The following DSG2 variants were observed in gnomAD, a reference collection of about 807,000 sequenced individuals.
DSG2 encodes desmoglein 2.
Under a neutral mutation model 75.6 loss-of-function variants are expected in DSG2, and 45 were observed. The ratio of observed to expected loss-of-function variants is 0.60; its 90% confidence interval spans 0.47 to 0.76. The LOEUF is 0.76. Ranked by LOEUF, DSG2 falls within the 30% of genes least tolerant of loss-of-function variation. DSG2 has a pLI of 0.00. For missense variants in DSG2, 1,267 were observed against 1,357.4 expected (o/e 0.93, Z 1.05); for synonymous variants, 429 against 483.9 (o/e 0.89, Z 1.49).
chr18:31,534,327 C>T (rs907547971), intron 9 of DSG2, among the ~76,000 whole-genome samples: 1 of 152,040 alleles, frequency 6.6e-6, no homozygotes. Context: ...GGACATTTGC[C>T]TTGCTCTCCC....
chr18:31,522,287 C>G (rs1399336618), intron 6 of DSG2, 38 bp downstream of exon 6: 3 of 1,574,314 alleles, frequency 1.9e-6, no homozygotes, highest in African/African-American at 1.4e-5. Flanking sequence ...TTTAAACTCT[C>G]TATCCTTTCC....
chr18:31,543,015 TG>T (rs2073280337), intron 14 of DSG2, 163 bp downstream of exon 14: 4 of 598,750 alleles, frequency 6.7e-6, no homozygotes, highest in Non-Finnish European at 1.1e-5. Flanking sequence ...GAAAGAGAAA[TG>T]GGACCCACAG....
rs11542767 is a variant in DSG2 at position 31,548,505 on chromosome 18, T to G, written c.*1762T>G. The stretch of plus-strand genomic sequence containing the variant: ...TAGACATCTAAGTCTGTAGCTTAAA[T>G]GGAGGTTACTCTTCCATCATCTAGA... On this transcript the variant is annotated 3_prime_UTR_variant, in exon 15 of 15. Coordinates refer to ENST00000261590, the MANE Select transcript of DSG2 (RefSeq NM_001943.5). 1 of 152,244 alleles carries G rather than the reference T, an allele frequency of 6.6e-6. No individual in the cohort carries two copies. Among genetic ancestry groups the G allele is most frequent in the Admixed American group, 6.5e-5 (1 of 15,292 alleles). 9.4% of individuals were successfully genotyped at this position (152,244 alleles called of 1,614,324 possible).
chr18:31,534,203 G>A (rs1000996373), intron 9 of DSG2, among the ~76,000 whole-genome samples: 4 of 152,054 alleles, frequency 2.6e-5, no homozygotes, highest in Non-Finnish European at 4.4e-5. Flanking sequence ...GGTCAGGCTG[G>A]TCTTGAACTC....
intron 11 of DSG2, 34 bp from the exon 12 acceptor site, chr18:31,538,717 C>T (rs764832324): frequency 4.5e-6 from 7 of 1,554,214 alleles, no homozygotes; most frequent in Admixed American, 3.3e-5. Flanking sequence ...GGTAATCGTT[C>T]GTTTTTATTT....
intron 1 of DSG2, 34 bp from the exon 2 acceptor site, chr18:31,518,205 A>T: frequency 6.4e-7 from 1 of 1,562,998 alleles, no homozygotes; most frequent in Non-Finnish European, 8.8e-7. Context: ...TTGAGCAGTA[A>T]ATTGGCTAAA....
chr18:31,544,409 T>C (rs1489120107), intron 14 of DSG2, among the ~76,000 whole-genome samples: 1 of 151,952 alleles, frequency 6.6e-6, no homozygotes, highest in Non-Finnish European at 1.5e-5. Flanking sequence ...TTCATGAAAA[T>C]TTGTGGGGTA....
At chr18:31,522,050 T>C in intron 5 of DSG2, 33 bp from the exon 6 acceptor site, 8 of 1,603,250 alleles carry the variant, frequency 5.0e-6, no homozygotes, top group East Asian at 2.2e-5. Flanking sequence ...TAAAGTTGAA[T>C]TTCATCTTAG....
intron 13 of DSG2, 69 bp downstream of exon 13, chr18:31,541,383 C>G: frequency 6.3e-7 from 1 of 1,586,062 alleles, no homozygotes; most frequent in South Asian, 1.1e-5. Context: ...GGAAGTGTTT[C>G]TTACATGTTT....
intron 1 of DSG2, among the ~76,000 whole-genome samples, chr18:31,510,590 GA>G (rs755679385): frequency 0.013 from 1,785 of 142,694 alleles, 12 homozygotes; most frequent in Non-Finnish European, 0.019. Flanking sequence ...GCCTCTGCAG[GA>G]AAAAAAAAAA....
intron 5 of DSG2, 23 bp downstream of exon 5, chr18:31,521,266 TTAA>T (rs776228923): frequency 1.3e-6 from 2 of 1,568,374 alleles, no homozygotes; most frequent in Non-Finnish European, 1.7e-6. Context: ...TTTTTTTTTT[TTAA>T]TAAATAAATA....
At chr18:31,501,560 A>G (rs1459420370) in intron 1 of DSG2, among the ~76,000 whole-genome samples, 1 of 152,110 alleles carries the variant, frequency 6.6e-6, no homozygotes. Flanking sequence ...TTCCAAGTGC[A>G]TACTGGTTTG....
chr18:31,501,597 T>C (rs1053608122), intron 1 of DSG2, among the ~76,000 whole-genome samples: 4 of 152,172 alleles, frequency 2.6e-5, no homozygotes, highest in African/African-American at 7.2e-5. Context: ...TTCCTTCTCT[T>C]GTAGGTGCAT....
At position 31,523,317 on chromosome 18, in the gene DSG2, T is replaced by C. The variant is rs185403787; in HGVS notation, c.690+1068T>C. Among the ~76,000 whole-genome samples the C allele has an allele frequency of 5.3e-5, 8 of 152,048 alleles. No homozygotes were observed. The East Asian group carries it at 7.8e-4, about 15-fold the overall frequency. On this transcript the variant is annotated intron_variant, in intron 6 of 14. Coordinates refer to ENST00000261590, the MANE Select transcript of DSG2 (RefSeq NM_001943.5). ...TCGGGAGGCTGAGGCAGGAGAATGG[T>C]GTGAACCCAGGGGACAGAGCTTGCA...
intron 13 of DSG2, 198 bp from the exon 14 acceptor site, chr18:31,542,322 C>G: frequency 1.6e-6 from 1 of 639,182 alleles, no homozygotes; most frequent in Non-Finnish European, 2.8e-6. Flanking sequence ...TTCTATCCAC[C>G]TATAAAACAA....
At chr18:31,537,760 TGGGAGGGTGAG>T (rs1290255390) in intron 11 of DSG2, among the ~76,000 whole-genome samples, 14 of 152,114 alleles carry the variant, frequency 9.2e-5, no homozygotes, top group African/African-American at 3.1e-4. Context: ...CCTAGCACTT[TGGGAGGGTGAG>T]GCGGGTGGAT....
intron 1 of DSG2, among the ~76,000 whole-genome samples, chr18:31,514,266 C>A (rs2073081999): frequency 6.6e-6 from 1 of 152,116 alleles, no homozygotes; most frequent in Admixed American, 6.5e-5. Context: ...ACTATCTTTG[C>A]AACATTTCTG....
At chr18:31,535,505 C>A (rs2073224411) in intron 10 of DSG2, 93 bp downstream of exon 10, 2 of 1,234,808 alleles carry the variant, frequency 1.6e-6, no homozygotes, top group Admixed American at 2.0e-5. Flanking sequence ...TGTATAAAAA[C>A]CTAATCTCGG....
chr18:31,521,746 T>C (rs1324964707), intron 5 of DSG2, among the ~76,000 whole-genome samples: 3 of 152,248 alleles, frequency 2.0e-5, no homozygotes, highest in African/African-American at 7.2e-5. Flanking sequence ...ACGCTTCTCC[T>C]GATTTGTTTG....
Sources: allele counts gnomAD v4.1 joint callset (sites outside exome capture counted in the v4.1 genomes callset), GRCh38; gene constraint gnomAD v4.1.1; transcripts MANE v1.5; gene names NCBI Gene and HGNC (gene_info 2026-07-23, HGNC 2026-07-21).